Variants in CREB5 observed in about 807,000 individuals in gnomAD.
CREB5 encodes the protein cyclic AMP-responsive element-binding protein 5.
Under a neutral mutation model 57.1 loss-of-function variants are expected in CREB5, and 19 were observed. The ratio of observed to expected loss-of-function variants is 0.33; its 90% CI spans 0.23 to 0.49. CREB5 has a LOEUF of 0.49. Ranked by LOEUF, CREB5 falls within the 20% of genes least tolerant of loss-of-function variation. CREB5 has a pLI of 0.99. For synonymous variants in CREB5, 238 were observed against 238.3 expected, an observed-to-expected ratio of 1.00 and a Z score of 0.01; for missense variants, 579 against 671.6, an observed-to-expected ratio of 0.86 and a Z score of 1.52.
intron 5 of CREB5, among the ~76,000 whole-genome samples, chr7:28,603,463 C>T (rs975491678): frequency 6.6e-6 from 1 of 152,106 alleles, no homozygotes; most frequent in African/African-American, 2.4e-5. Flanking sequence ...ATCTTTGTTC[C>T]ATGTCGTACC....
chr7:28,427,777 C>G (rs1037372456), intron 1 of CREB5, among the ~76,000 whole-genome samples: 2 of 152,086 alleles, frequency 1.3e-5, no homozygotes, highest in Admixed American at 1.3e-4. Context: ...ATACTAGGCA[C>G]TCAATCTATT....
intron 7 of CREB5, among the ~76,000 whole-genome samples, chr7:28,790,656 G>A (rs1807647434): frequency 6.6e-6 from 1 of 152,208 alleles, no homozygotes; most frequent in Non-Finnish European, 1.5e-5. Context: ...CTCACTTATC[G>A]TGGACATGCT....
chr7:28,720,543 T>C (rs1361722764), intron 6 of CREB5, among the ~76,000 whole-genome samples: 1 of 152,086 alleles, frequency 6.6e-6, no homozygotes, highest in African/African-American at 2.4e-5. Context: ...TATCTAAGTA[T>C]AGGCAGGGGA....
intron 5 of CREB5, among the ~76,000 whole-genome samples, chr7:28,598,767 C>A (rs556857886): frequency 6.6e-6 from 1 of 152,000 alleles, no homozygotes; most frequent in African/African-American, 2.4e-5. Flanking sequence ...TTAAGAAGAG[C>A]GGCATAGGTA....
chr7:28,597,886 A>G (rs1455466440), intron 5 of CREB5, among the ~76,000 whole-genome samples: 1 of 152,220 alleles, frequency 6.6e-6, no homozygotes, highest in Non-Finnish European at 1.5e-5. Flanking sequence ...GAGACAATAC[A>G]TGGTCACTAC....
intron 7 of CREB5, among the ~76,000 whole-genome samples, chr7:28,753,319 G>C (rs1432223764): frequency 6.6e-6 from 1 of 152,034 alleles, no homozygotes; most frequent in Non-Finnish European, 1.5e-5. Flanking sequence ...ATACTATGTA[G>C]AAAAAATAGA....
intron 1 of CREB5, among the ~76,000 whole-genome samples, chr7:28,429,712 A>G (rs1788641679): frequency 6.6e-6 from 1 of 152,230 alleles, no homozygotes; most frequent in Non-Finnish European, 1.5e-5. Context: ...AAAATCCCCC[A>G]TCTCCTGTTT....
intron 1 of CREB5, among the ~76,000 whole-genome samples, chr7:28,359,198 A>G (rs1426275615): frequency 1.3e-5 from 2 of 148,422 alleles, no homozygotes; most frequent in African/African-American, 2.5e-5. Flanking sequence ...AAAAACCCAA[A>G]AAAGCGAATA....
intron 1 of CREB5, among the ~76,000 whole-genome samples, chr7:28,428,181 G>A: frequency 6.6e-6 from 1 of 152,198 alleles, no homozygotes; most frequent in East Asian, 1.9e-4. Flanking sequence ...TGCTGTTTTG[G>A]ATGGTGTGCT....
chr7:28,309,662 C>T (rs1034121861), intron 1 of CREB5, among the ~76,000 whole-genome samples: 1 of 152,272 alleles, frequency 6.6e-6, no homozygotes, highest in African/African-American at 2.4e-5. Flanking sequence ...CAGGCTGGCT[C>T]CTTTTTGATA....
chr7:28,639,083 T>C (rs2128698784), intron 5 of CREB5, among the ~76,000 whole-genome samples: 1 of 152,322 alleles, frequency 6.6e-6, no homozygotes, highest in African/African-American at 2.4e-5. Flanking sequence ...CACGCCACAC[T>C]TCATGAATGC....
At chr7:28,607,735 CTGTGTGTGTGTGTGTGTGTGTGTG>C (rs573980917) in intron 5 of CREB5, among the ~76,000 whole-genome samples, 63 of 129,280 alleles carry the variant, frequency 4.9e-4, no homozygotes, top group South Asian at 2.1e-3. Flanking sequence ...GCCCACAGGG[CTGTGTGTGTGTGTGTGTGTGTGTG>C]TGTGTGTGTG....
chr7:28,556,181 G>A (rs1794865014), intron 4 of CREB5, among the ~76,000 whole-genome samples: 1 of 152,130 alleles, frequency 6.6e-6, no homozygotes, highest in African/African-American at 2.4e-5. Flanking sequence ...GTAGAGTTGA[G>A]CTCGGCACGG....
At chr7:28,441,594 A>G (rs73297153) in intron 1 of CREB5, among the ~76,000 whole-genome samples, 2,614 of 152,310 alleles carry the variant, frequency 0.017, 87 homozygotes, top group African/African-American at 0.059. Context: ...CTTTGAAAAA[A>G]ATAATAAATA....
At chr7:28,525,861 T>C (rs1168492620) in intron 4 of CREB5, among the ~76,000 whole-genome samples, 1 of 152,146 alleles carries the variant, frequency 6.6e-6, no homozygotes, top group African/African-American at 2.4e-5. Context: ...ATCTGTAAAA[T>C]GGCAATAATA....
intron 1 of CREB5, among the ~76,000 whole-genome samples, chr7:28,480,007 G>C (rs1187576001): frequency 1.0e-5 from 1 of 99,970 alleles, no homozygotes; most frequent in African/African-American, 4.3e-5. Context: ...TACTTATCTA[G>C]AATAAAAATC....
At chr7:28,623,066 A>G (rs915369992) in intron 5 of CREB5, among the ~76,000 whole-genome samples, 6 of 152,054 alleles carry the variant, frequency 3.9e-5, no homozygotes, top group African/African-American at 1.4e-4. Context: ...TAGTTTTAGT[A>G]GAGACAGGGT....
chr7:28,654,788 C>T (rs1302512769), intron 5 of CREB5, among the ~76,000 whole-genome samples: 1 of 152,138 alleles, frequency 6.6e-6, no homozygotes, highest in Non-Finnish European at 1.5e-5. Context: ...TTCAAATGTA[C>T]ACACACGCAG....
chr7:28,791,304 C>T (rs183210171), intron 7 of CREB5, among the ~76,000 whole-genome samples: 213 of 152,352 alleles, frequency 1.4e-3, no homozygotes, highest in African/African-American at 5.1e-3. Flanking sequence ...CTACCTTCAG[C>T]TAGAGCTGAC....
Sources: allele counts gnomAD v4.1 joint callset (sites outside exome capture counted in the v4.1 genomes callset), GRCh38; gene constraint gnomAD v4.1.1; transcripts MANE v1.5; gene names NCBI Gene and HGNC (gene_info 2026-07-23, HGNC 2026-07-21).